DLG2: variants seen among roughly 807,000 people sequenced by gnomAD.
DLG2 encodes disks large homolog 2.
In DLG2, 45 loss-of-function variants were observed where a neutral mutation model predicts 132.5. The observed-to-expected ratio is 0.34, with a 90% CI of 0.27 to 0.44. DLG2 has a LOEUF of 0.44. DLG2 is among the 20% of genes least tolerant of loss of function. The probability of loss-of-function intolerance (pLI) is 1.00; values close to 1 mark genes in which losing one functional copy is unlikely to be tolerated. For missense variants in DLG2, 1,045 were observed against 1,196.9 expected (o/e 0.87, Z 1.87); for synonymous variants, 424 against 419.6 (o/e 1.01, Z -0.13).
chr11:83,510,636 G>A (rs1166990838), intron 21 of DLG2, among the ~76,000 whole-genome samples: 1 of 152,036 alleles, frequency 6.6e-6, no homozygotes, highest in Non-Finnish European at 1.5e-5. Context: ...GAGAACACAG[G>A]CCCCTTGTTT....
intron 18 of DLG2, among the ~76,000 whole-genome samples, chr11:83,749,588 T>C (rs995093192): frequency 2.0e-5 from 3 of 152,178 alleles, no homozygotes; most frequent in African/African-American, 7.2e-5. Context: ...CCAGCAGCTG[T>C]ATTTCCAGCC....
intron 6 of DLG2, among the ~76,000 whole-genome samples, chr11:84,574,595 A>G (rs1168796433): frequency 6.6e-6 from 1 of 152,184 alleles, no homozygotes; most frequent in Admixed American, 6.5e-5. Context: ...ATGATCTTAG[A>G]CACATGTTAA....
chr11:83,501,448 A>T (rs146537937), intron 21 of DLG2, among the ~76,000 whole-genome samples: 181 of 152,262 alleles, frequency 1.2e-3, no homozygotes, highest in African/African-American at 4.2e-3. Context: ...CAAGAATCAG[A>T]CTGAGAATGA....
At chr11:84,935,720 A>G (rs1351320704) in intron 6 of DLG2, among the ~76,000 whole-genome samples, 1 of 152,210 alleles carries the variant, frequency 6.6e-6, no homozygotes, top group Non-Finnish European at 1.5e-5. Flanking sequence ...AGGAGAGCAT[A>G]TCATGACAAA....
chr11:84,391,743 G>A (rs1410303690), intron 7 of DLG2, among the ~76,000 whole-genome samples: 2 of 149,484 alleles, frequency 1.3e-5, no homozygotes, highest in Non-Finnish European at 3.0e-5. Context: ...CCCTCGAATT[G>A]TTTCTTCCTA....
chr11:84,983,577 A>G (rs781725892), intron 6 of DLG2, among the ~76,000 whole-genome samples: 2 of 152,220 alleles, frequency 1.3e-5, no homozygotes, highest in Non-Finnish European at 2.9e-5. Context: ...GTGATATGAA[A>G]AAACAAGGTT....
At chr11:85,401,279 A>T (rs1368760246) in intron 3 of DLG2, among the ~76,000 whole-genome samples, 2 of 152,144 alleles carry the variant, frequency 1.3e-5, no homozygotes, top group Non-Finnish European at 2.9e-5. Context: ...CCTTTGACAA[A>T]ATTTAACAGC....
intron 6 of DLG2, among the ~76,000 whole-genome samples, chr11:84,744,546 G>C (rs1164630042): frequency 1.3e-5 from 2 of 152,136 alleles, no homozygotes; most frequent in African/African-American, 4.8e-5. Flanking sequence ...TCCTCAAAAG[G>C]ATTAGGCAGC....
chr11:84,381,304 A>G (rs906551694), intron 7 of DLG2, among the ~76,000 whole-genome samples: 2 of 141,250 alleles, frequency 1.4e-5, no homozygotes, highest in Admixed American at 1.3e-4. Flanking sequence ...TTTAACCAAG[A>G]GGTGAAAAAT....
At chr11:84,037,612 GTC>G (rs997820240) in intron 11 of DLG2, among the ~76,000 whole-genome samples, 3 of 152,018 alleles carry the variant, frequency 2.0e-5, no homozygotes, top group Non-Finnish European at 4.4e-5. Context: ...AGAGAGAAAA[GTC>G]TTCATCATTT....
chr11:83,855,126 C>A (rs943900475), intron 16 of DLG2, among the ~76,000 whole-genome samples: 2 of 152,034 alleles, frequency 1.3e-5, no homozygotes, highest in East Asian at 3.9e-4. Context: ...AATGAGATAC[C>A]ACTACACGCC....
At chr11:84,452,617 T>C (rs566969531) in intron 7 of DLG2, among the ~76,000 whole-genome samples, 5 of 151,850 alleles carry the variant, frequency 3.3e-5, no homozygotes, top group Middle Eastern at 3.4e-3. Flanking sequence ...ATCCAACAGA[T>C]TGTATGCTAC....
At chr11:84,557,412 GT>G (rs1175434864) in intron 6 of DLG2, among the ~76,000 whole-genome samples, 1 of 151,668 alleles carries the variant, frequency 6.6e-6, no homozygotes, top group Non-Finnish European at 1.5e-5. Flanking sequence ...AAATAAATTT[GT>G]TTATATACAC....
chr11:84,906,608 T>C (rs2091547109), intron 6 of DLG2, among the ~76,000 whole-genome samples: 1 of 152,116 alleles, frequency 6.6e-6, no homozygotes, highest in African/African-American at 2.4e-5. Flanking sequence ...AAGGATATAA[T>C]GTAGGTAAAA....
intron 7 of DLG2, among the ~76,000 whole-genome samples, chr11:84,528,946 A>T (rs193167831): frequency 6.6e-6 from 1 of 152,350 alleles, no homozygotes; most frequent in East Asian, 1.9e-4. Flanking sequence ...CTAGCTCATG[A>T]GAGCCTCATG....
intron 3 of DLG2, among the ~76,000 whole-genome samples, chr11:85,543,648 A>G (rs1254000914): frequency 6.6e-6 from 1 of 152,078 alleles, no homozygotes; most frequent in Non-Finnish European, 1.5e-5. Flanking sequence ...TCTAGCATCT[A>G]TAGTTTCCTG....
At chr11:84,299,399 C>T (rs927433867) in intron 7 of DLG2, among the ~76,000 whole-genome samples, 1 of 151,970 alleles carries the variant, frequency 6.6e-6, no homozygotes, top group African/African-American at 2.4e-5. Flanking sequence ...AACTCAAGCA[C>T]GGAGAGCAGA....
rs551527939 is a variant in DLG2 at position 83,896,493 on chromosome 11, T to C, written c.1497-22005A>G. On this transcript the variant is annotated intron_variant, in intron 15 of 27. Transcript: ENST00000376104. ...ATATTTAAGTTAATTTTGTGAAAGA[T>C]GGACCAGCCATATTTTCTTTTGTGA... Among the ~76,000 whole-genome samples, 10 of 152,282 alleles carry C rather than the reference T, an allele frequency of 6.6e-5. No homozygotes were observed. In the East Asian group the frequency reaches 1.9e-3, roughly 29 times the overall value.
chr11:83,700,502 A>G (rs1196478841), intron 18 of DLG2, among the ~76,000 whole-genome samples: 2 of 152,218 alleles, frequency 1.3e-5, no homozygotes, highest in Non-Finnish European at 2.9e-5. Context: ...AATACAGTGG[A>G]TGAAAGACTA....
Sources: gnomAD v4.1 joint callset for allele counts (sites outside exome capture counted in the v4.1 genomes callset) on GRCh38, gnomAD v4.1.1 for gene constraint, MANE v1.5 for transcripts, NCBI Gene and HGNC (gene_info 2026-07-23, HGNC 2026-07-21) for gene names.